The following FANCA variants were observed in gnomAD, a reference collection of about 807,000 sequenced individuals.
FANCA encodes the protein FA complementation group A, also known as Fanconi anemia group A protein.
In FANCA, 236 loss-of-function variants were observed where a neutral mutation model predicts 194.3. That is an observed-to-expected ratio of 1.21 (90% confidence interval 1.09 to 1.35). The LOEUF is 1.35. Ranked by LOEUF, FANCA falls within the 40% of genes most tolerant of loss-of-function variation. The probability of loss-of-function intolerance (pLI) is 0.00; values close to 1 mark genes in which losing one functional copy is unlikely to be tolerated. For missense variants in FANCA, 2,628 were observed against 1,813.9 expected (o/e 1.45, Z -8.15); for synonymous variants, 1,014 against 715.8 (o/e 1.42, Z -6.65).
chr16:89,739,064 A>G, intron 41 of FANCA, 69 bp downstream of exon 41: 2 of 1,613,994 alleles, frequency 1.2e-6, no homozygotes, highest in Non-Finnish European at 1.7e-6. Flanking sequence ...GTGCCGGAAC[A>G]TTCTTTGGCA....
intron 27 of FANCA, among the ~76,000 whole-genome samples, chr16:89,765,686 C>G (rs1234927322): frequency 6.6e-6 from 1 of 152,278 alleles, no homozygotes; most frequent in Non-Finnish European, 1.5e-5. Flanking sequence ...GTGTCCATCT[C>G]TGCCCCCGAG....
In FANCA at chr16:89,815,879, C is replaced by CA; in HGVS notation, c.186dup (p.Glu63Ter). 1 of 1,610,838 alleles carries CA rather than the reference C, an allele frequency of 6.2e-7. No homozygotes were observed. The highest frequency in any genetic ancestry group is 8.5e-7 in the Non-Finnish European group (1 of 1,176,994). ...GACGGACACCAGCTTCCTCTTACCTCAAGCAAAAGGGCATTCAGGTCCTGA... is the reference window on the plus strand; with the variant it reads ...GACGGACACCAGCTTCCTCTTACCTCAAAGCAAAAGGGCATTCAGGTCCTGA... On this transcript the variant is annotated frameshift_variant, in exon 2 of 43. Transcript: ENST00000389301. LOFTEE classifies it high-confidence loss of function.
chr16:89,812,506 C>T (rs530208935), intron 3 of FANCA, among the ~76,000 whole-genome samples: 3 of 148,578 alleles, frequency 2.0e-5, no homozygotes, highest in Admixed American at 1.3e-4. Flanking sequence ...ATTAGCCAGG[C>T]GTGGTGGTGC....
At position 89,742,800 on chromosome 16, in the gene FANCA, C is replaced by G. The variant is rs1280154757; in HGVS notation, c.3765G>C (p.Glu1255Asp). The change falls in exon 37 of 43, where the codon GAG (glutamate) becomes GAC (aspartate). Residue 1255 changes from glutamate to aspartate, a missense_variant and splice_region_variant. Physicochemically the swap from Glu to Asp is conservative, Grantham distance 45 (BLOSUM62 2). Coordinates refer to ENST00000389301, the MANE Select transcript of FANCA (RefSeq NM_000135.4). ...QLKKLDCERE[E>D]LLVFLFFFSL... is the part of the protein sequence containing the mutation. ...TCAGTAAAAGAATTTCCTATCTTGC[C>G]TCCTCTCTCTCGCAGTCCAGCTTCT... 3 of 1,613,884 alleles carry G rather than the reference C, an allele frequency of 1.9e-6. No individual in the cohort carries two copies. The highest frequency in any genetic ancestry group is 2.5e-6 in the Non-Finnish European group (3 of 1,179,962).
rs757575773 is a variant in FANCA at position 89,738,049 on chromosome 16, A to G, written c.*552T>C. 7.4e-6 allele frequency: 12 copies of G among 1,614,118 alleles called. No individual in the cohort carries two copies. The African/African-American group carries it at 1.2e-4, about 16-fold the overall frequency. ...CCACATGACCAAACACAAGGCTGAG[A>G]CTGAGCTGGACTTTGCCTGTGACCA... On this transcript the variant is annotated 3_prime_UTR_variant, in exon 43 of 43. Coordinates refer to ENST00000389301, the MANE Select transcript of FANCA (RefSeq NM_000135.4).
intron 17 of FANCA, among the ~76,000 whole-genome samples, chr16:89,780,230 T>G (rs944927744): frequency 1.3e-5 from 2 of 152,110 alleles, no homozygotes; most frequent in Non-Finnish European, 2.9e-5. Flanking sequence ...TCAGCTCTGC[T>G]GAGAGCCTGC....
intron 30 of FANCA, among the ~76,000 whole-genome samples, chr16:89,753,414 G>T (rs2038664578): frequency 6.6e-6 from 1 of 152,070 alleles, no homozygotes; most frequent in Non-Finnish European, 1.5e-5. Context: ...TCTCATCGCC[G>T]CACACAGGGA....
chr16:89,770,046 C>T (rs758632291), intron 25 of FANCA, 22 bp from the exon 26 acceptor site: 2 of 1,610,140 alleles, frequency 1.2e-6, no homozygotes, highest in East Asian at 2.2e-5. Context: ...ATGAGGGTGG[C>T]AGAGCAGACT....
rs758604799 is a variant in FANCA, at chr16:89,769,982, G to C, written c.2359C>G (p.Leu787Val). 2.5e-6 allele frequency: 4 copies of C among 1,613,822 alleles called. No individual in the cohort carries two copies. The highest frequency in any genetic ancestry group is 1.7e-5 in the Admixed American group (1 of 60,004). Residue 787 changes from leucine (L) to valine (V), a missense_variant, in exon 26 of 43, where the codon CTG (leucine) becomes GTG (valine). Transcript: ENST00000389301. ...CTGGACTCACCCAGGTGCACGGCCAGGGCAGCCAACCCCAGCACATGTGGG... is the reference window on the plus strand; with the variant it reads ...CTGGACTCACCCAGGTGCACGGCCACGGCAGCCAACCCCAGCACATGTGGG... Reference protein sequence around the residue: ...SAPHVLGLAALAVHLGESRSA... With the variant: ...SAPHVLGLAAVAVHLGESRSA...
intron 21 of FANCA, among the ~76,000 whole-genome samples, chr16:89,773,693 A>C (rs576568390): frequency 6.6e-6 from 1 of 152,238 alleles, no homozygotes; most frequent in East Asian, 1.9e-4. Context: ...CACACGGAAG[A>C]AAACAAGGAG....
chr16:89,755,544 A>G (rs2038738877), intron 30 of FANCA, among the ~76,000 whole-genome samples: 1 of 152,226 alleles, frequency 6.6e-6, no homozygotes, highest in South Asian at 2.1e-4. Context: ...TCAAAATCCT[A>G]AAGAGCTAAA....
chr16:89,738,205 G>C lies in FANCA; in HGVS notation c.*396C>G. The C allele has an allele frequency of 1.2e-6, 2 of 1,611,286 alleles. No individual in the cohort carries two copies. Among genetic ancestry groups the C allele is most frequent in the Non-Finnish European group, 1.7e-6 (2 of 1,179,156 alleles). ...ACCACCTGGGCCACCGAGCCCCTCT[G>C]TGACCACAGAGGGCCAGGCGGTGAA... On this transcript the variant is annotated 3_prime_UTR_variant, in exon 43 of 43. Coordinates refer to ENST00000389301, the MANE Select transcript of FANCA (RefSeq NM_000135.4).
intron 33 of FANCA, 149 bp from the exon 34 acceptor site, chr16:89,747,039 G>A: frequency 1.3e-6 from 1 of 784,640 alleles, no homozygotes; most frequent in South Asian, 1.5e-5. Context: ...GGCTGACCGG[G>A]CCTGGCGCCC....
Position 89,814,570 on chromosome 16 carries a change from A to G in FANCA, c.233T>C (p.Ile78Thr). 1 of 1,614,050 alleles carries G rather than the reference A, an allele frequency of 6.2e-7. No homozygotes were observed. The highest frequency in any genetic ancestry group is 8.5e-7 in the Non-Finnish European group (1 of 1,179,902). ...ATAGGCCTCAGAACTGTCACAGTCA[A>G]TCACTTTGCTGAGAGACAATTTTTT... ...LCKKLSLSKVIDCDSSEAYAN... is the reference protein window; with the variant it reads ...LCKKLSLSKVTDCDSSEAYAN... The change falls in exon 3 of 43, where the codon ATT (isoleucine) becomes ACT (threonine). Residue 78 changes from isoleucine to threonine, a missense_variant. By Grantham distance (89) the Ile-to-Thr change is moderately conservative (BLOSUM62 -1). Transcript: ENST00000389301.
At chr16:89,761,633 TTTTTC>T (rs2038957887) in intron 29 of FANCA, among the ~76,000 whole-genome samples, 2 of 152,088 alleles carry the variant, frequency 1.3e-5, no homozygotes, top group South Asian at 4.1e-4. Context: ...GGGAAGCTCC[TTTTTC>T]TTTTGAGATA....
At chr16:89,808,249 C>G in intron 6 of FANCA, 45 bp downstream of exon 6, 2 of 1,572,264 alleles carry the variant, frequency 1.3e-6, no homozygotes, top group Non-Finnish European at 8.8e-7. Context: ...TTATACTAGA[C>G]TAGACTGCAA....
At chr16:89,786,039 G>C (rs2039886460) in intron 14 of FANCA, among the ~76,000 whole-genome samples, 1 of 136,420 alleles carries the variant, frequency 7.3e-6, no homozygotes, top group South Asian at 2.4e-4. Flanking sequence ...TTTTTTGAGA[G>C]AGAGAGTCTC....
At chr16:89,792,194 G>A in intron 12 of FANCA, 126 bp from the exon 13 acceptor site, 2 of 1,169,274 alleles carry the variant, frequency 1.7e-6, no homozygotes, top group Non-Finnish European at 2.6e-6. Flanking sequence ...GGTAACACAT[G>A]GAGCTGTGAC....
At position 89,737,790 on chromosome 16, in the gene FANCA, G is replaced by T. The variant is rs767196100; in HGVS notation, c.*811C>A. ...GAGCATCAGGGGCCTGGACTCACTG[G>T]ACTCTCCCCTCTCAGAGGTGCGGAA... On this transcript the variant is annotated 3_prime_UTR_variant, in exon 43 of 43. Coordinates refer to ENST00000389301, the MANE Select transcript of FANCA (RefSeq NM_000135.4). The T allele has an allele frequency of 6.2e-7, 1 of 1,614,102 alleles. No homozygotes were observed. The highest frequency in any genetic ancestry group is 1.1e-5 in the South Asian group (1 of 91,014).
Sources: gnomAD v4.1 joint callset for allele counts (sites outside exome capture counted in the v4.1 genomes callset) on GRCh38, gnomAD v4.1.1 for gene constraint, MANE v1.5 for transcripts, NCBI Gene and HGNC (gene_info 2026-07-23, HGNC 2026-07-21) for gene names.